The following ROBO2 variants were observed in gnomAD, a reference collection of about 807,000 sequenced individuals.
ROBO2 encodes the protein roundabout homolog 2.
Under a neutral mutation model 160.8 loss-of-function variants are expected in ROBO2, and 53 were observed. The observed-to-expected ratio is 0.33, with a 90% CI of 0.26 to 0.41. The LOEUF is 0.41. Ranked by LOEUF, ROBO2 falls within the 10% of genes least tolerant of loss-of-function variation. The probability of loss-of-function intolerance (pLI) is 1.00; values close to 1 mark genes in which losing one functional copy is unlikely to be tolerated. For missense variants in ROBO2, 1,577 were observed against 1,722.4 expected (o/e 0.92, Z 1.49); for synonymous variants, 664 against 611.7 (o/e 1.09, Z -1.26).
At position 76,871,510 on chromosome 3, in the gene ROBO2, C is replaced by T. The variant is rs527560435; in HGVS notation, c.110-226504C>T. 3.4e-4 allele frequency among the ~76,000 whole-genome samples: 51 copies of T among 147,906 alleles called. No individual in the cohort carries two copies. In the East Asian group the frequency reaches 9.1e-3, roughly 26 times the overall value. ...CGGAGCTTGCAGTGAGCCGAGATCC[C>T]GCCACTGCACTCCAGCCTGGGCGAC... On this transcript the variant is annotated intron_variant, in intron 2 of 26. Transcript: ENST00000487694.
At chr3:76,853,064 C>G (rs191024686) in intron 2 of ROBO2, among the ~76,000 whole-genome samples, 5 of 152,134 alleles carry the variant, frequency 3.3e-5, no homozygotes, top group South Asian at 2.1e-4. Flanking sequence ...AAAATAGTAT[C>G]AGACCTCCTC....
At chr3:76,918,613 A>G (rs2076472291) in intron 2 of ROBO2, among the ~76,000 whole-genome samples, 1 of 152,208 alleles carries the variant, frequency 6.6e-6, no homozygotes, top group Admixed American at 6.5e-5. Context: ...TTCTTGATTG[A>G]TCATGAGTTT....
chr3:76,447,656 C>T (rs554402284), intron 2 of ROBO2, among the ~76,000 whole-genome samples: 312 of 150,444 alleles, frequency 2.1e-3, no homozygotes, highest in East Asian at 3.5e-3. Context: ...TATCCACCAA[C>T]GATAGACTGG....
intron 2 of ROBO2, among the ~76,000 whole-genome samples, chr3:76,241,670 A>G (rs2107517028): frequency 6.6e-6 from 1 of 152,348 alleles, no homozygotes; most frequent in Non-Finnish European, 1.5e-5. Context: ...TATTCCTGAA[A>G]CAAATGGTGT....
chr3:77,229,298 C>G (rs985076797), intron 2 of ROBO2, among the ~76,000 whole-genome samples: 1 of 151,902 alleles, frequency 6.6e-6, no homozygotes, highest in Non-Finnish European at 1.5e-5. Context: ...AGTATTAATA[C>G]TATACTATTA....
At chr3:76,543,715 C>G (rs1157356136) in intron 2 of ROBO2, among the ~76,000 whole-genome samples, 1 of 152,032 alleles carries the variant, frequency 6.6e-6, no homozygotes, top group Non-Finnish European at 1.5e-5. Context: ...TATGCATTTA[C>G]TAATGTTAAC....
intron 2 of ROBO2, among the ~76,000 whole-genome samples, chr3:76,201,466 A>T (rs958078396): frequency 6.6e-6 from 1 of 152,144 alleles, no homozygotes; most frequent in Non-Finnish European, 1.5e-5. Flanking sequence ...GATATTCTCC[A>T]TACAAACTAT....
chr3:76,188,835 C>T (rs1701879341), intron 2 of ROBO2, among the ~76,000 whole-genome samples: 3 of 151,872 alleles, frequency 2.0e-5, no homozygotes, highest in Non-Finnish European at 2.9e-5. Flanking sequence ...AGTATACAGG[C>T]AATCATCAAT....
intron 2 of ROBO2, among the ~76,000 whole-genome samples, chr3:76,007,086 G>A (rs2066041654): frequency 2.6e-5 from 4 of 152,042 alleles, no homozygotes; most frequent in African/African-American, 9.7e-5. Context: ...AATACATGAA[G>A]TATGTCAAAT....
At chr3:77,259,463 A>G (rs1441481935) in intron 2 of ROBO2, among the ~76,000 whole-genome samples, 1 of 152,222 alleles carries the variant, frequency 6.6e-6, no homozygotes, top group African/African-American at 2.4e-5. Flanking sequence ...TTTTAAAAAG[A>G]AAACAATAGG....
rs1401224168 is a variant in ROBO2, at chr3:76,592,807, C to T, written c.110-505207C>T. On this transcript the variant is annotated intron_variant, in intron 2 of 26. Transcript: ENST00000487694. ...GAAAGAATCTGCTTCCATAATCATG[C>T]AGGTAGTTGCCAGAACTCATTCCTG... Among the ~76,000 whole-genome samples, 4 of 152,044 alleles carry T rather than the reference C, an allele frequency of 2.6e-5. No homozygotes were observed. In the East Asian group the frequency reaches 5.8e-4, roughly 22 times the overall value.
At chr3:76,285,425 T>C (rs1279353856) in intron 2 of ROBO2, among the ~76,000 whole-genome samples, 4 of 152,092 alleles carry the variant, frequency 2.6e-5, no homozygotes, top group African/African-American at 9.7e-5. Context: ...ATATCAAAAC[T>C]CTTGATTGCC....
chr3:76,619,515 G>A (rs2088888637), intron 2 of ROBO2, among the ~76,000 whole-genome samples: 1 of 152,056 alleles, frequency 6.6e-6, no homozygotes, highest in Admixed American at 6.6e-5. Context: ...GCCACTATTT[G>A]AGGTCATTCA....
intron 2 of ROBO2, among the ~76,000 whole-genome samples, chr3:76,005,049 C>T (rs2065982293): frequency 6.6e-6 from 1 of 152,160 alleles, no homozygotes; most frequent in Non-Finnish European, 1.5e-5. Flanking sequence ...CTCTTGCTGT[C>T]TCACCTTCCA....
intron 2 of ROBO2, among the ~76,000 whole-genome samples, chr3:77,367,762 A>C (rs956869954): frequency 6.6e-6 from 1 of 152,076 alleles, no homozygotes; most frequent in Non-Finnish European, 1.5e-5. Context: ...TATCCTCTCC[A>C]TGGGATTCTG....
chr3:76,322,383 G>A (rs2072637175), intron 2 of ROBO2, among the ~76,000 whole-genome samples: 1 of 151,534 alleles, frequency 6.6e-6, no homozygotes, highest in African/African-American at 2.4e-5. Context: ...CATTTTTACA[G>A]ACATTTCATA....
At chr3:77,274,997 T>C (rs2059737977) in intron 2 of ROBO2, among the ~76,000 whole-genome samples, 1 of 152,148 alleles carries the variant, frequency 6.6e-6, no homozygotes, top group Non-Finnish European at 1.5e-5. Context: ...ATGAATATTT[T>C]TCAAATAAAT....
chr3:77,022,699 T>C (rs1176335673), intron 2 of ROBO2, among the ~76,000 whole-genome samples: 7 of 152,312 alleles, frequency 4.6e-5, no homozygotes, highest in South Asian at 4.1e-4. Context: ...AGTGTTAGCG[T>C]TGACACTCAT....
At position 77,130,928 on chromosome 3, in the gene ROBO2, C is replaced by T. The variant is rs148301386; in HGVS notation, c.388+32588C>T. ...TATGGTTAGCATTACGTTGTGCAAA[C>T]TTCTTTCGTTAACTAGTTATGGAAG... On this transcript the variant is annotated intron_variant, in intron 2 of 25. Transcript: ENST00000461745. Among the ~76,000 whole-genome samples, 931 of 152,216 alleles carry T rather than the reference C, an allele frequency of 6.1e-3. 11 individuals carry two copies. The highest frequency in any genetic ancestry group is 0.021 in the African/African-American group (889 of 41,528).
Sources: allele counts gnomAD v4.1 joint callset (sites outside exome capture counted in the v4.1 genomes callset), GRCh38; gene constraint gnomAD v4.1.1; transcripts MANE v1.5; gene names NCBI Gene and HGNC (gene_info 2026-07-23, HGNC 2026-07-21).